UBR2: variants seen among roughly 807,000 people sequenced by gnomAD.
UBR2 encodes the protein E3 ubiquitin-protein ligase UBR2.
In UBR2, 92 loss-of-function variants were observed where a neutral mutation model predicts 247.9. The observed-to-expected ratio is 0.37, with a 90% CI of 0.31 to 0.44. The LOEUF (loss-of-function observed/expected upper bound fraction) is 0.44. Ranked by LOEUF, UBR2 falls within the 20% of genes least tolerant of loss-of-function variation. The probability of loss-of-function intolerance (pLI) is 1.00; values close to 1 mark genes in which losing one functional copy is unlikely to be tolerated. For missense variants in UBR2, 1,613 were observed against 2,112.6 expected (o/e 0.76, Z 4.64); for synonymous variants, 672 against 693.5 (o/e 0.97, Z 0.49).
At chr6:42,614,344 G>T (rs9800541) in intron 8 of UBR2, among the ~76,000 whole-genome samples, 1 of 24,080 alleles carries the variant, frequency 4.2e-5, no homozygotes, top group African/African-American at 1.3e-4. Context: ...GTGTATGTGT[G>T]TATGTATGTG....
intron 40 of UBR2, 101 bp downstream of exon 40, chr6:42,676,974 G>A (rs945492388): frequency 1.0e-6 from 1 of 961,072 alleles, no homozygotes; most frequent in Non-Finnish European, 1.6e-6. Context: ...TTTGTTGTCT[G>A]TTGACATGTT....
At chr6:42,622,336 A>G (rs1795041445) in intron 11 of UBR2, among the ~76,000 whole-genome samples, 1 of 146,784 alleles carries the variant, frequency 6.8e-6, no homozygotes, top group African/African-American at 2.5e-5. Context: ...TTCTTTTGTT[A>G]GATTTATTTC....
intron 8 of UBR2, among the ~76,000 whole-genome samples, chr6:42,613,612 C>T (rs1292574350): frequency 6.6e-6 from 1 of 151,760 alleles, no homozygotes; most frequent in African/African-American, 2.4e-5. Flanking sequence ...TTTTCTTAGT[C>T]CTATGTTCTT....
At chr6:42,564,775 A>G (rs1308421879) in intron 1 of UBR2, among the ~76,000 whole-genome samples, 1 of 152,026 alleles carries the variant, frequency 6.6e-6, no homozygotes, top group African/African-American at 2.4e-5. Flanking sequence ...TAATCGCCCT[A>G]GTTTATCTAG....
chr6:42,688,037 A>G, intron 44 of UBR2, 179 bp from the exon 45 acceptor site: 2 of 642,090 alleles, frequency 3.1e-6, no homozygotes, highest in Non-Finnish European at 5.4e-6. Flanking sequence ...TGGTCTTTGT[A>G]TATATGTGCA....
At chr6:42,609,756 G>A (rs957878458) in intron 7 of UBR2, among the ~76,000 whole-genome samples, 63 of 151,814 alleles carry the variant, frequency 4.1e-4, no homozygotes, top group African/African-American at 1.4e-3. Context: ...TTAGCCAGGC[G>A]TGGTGGCACA....
At chr6:42,649,434 A>G (rs1796981711) in intron 22 of UBR2, among the ~76,000 whole-genome samples, 1 of 152,212 alleles carries the variant, frequency 6.6e-6, no homozygotes, top group Non-Finnish European at 1.5e-5. Flanking sequence ...TAACAAATGT[A>G]TCTTTGACTG....
rs1480996180 is a variant in UBR2 at position 42,642,434 on chromosome 6, G to A, written c.2050G>A (p.Val684Met). 1.9e-6 allele frequency: 3 copies of A among 1,607,794 alleles called. No homozygotes were observed. Among genetic ancestry groups the A allele is most frequent in the Non-Finnish European group, 1.7e-6 (2 of 1,175,292 alleles). The change falls in exon 18 of 47, where the codon GTG becomes ATG. Residue 684 changes from valine to methionine, a missense_variant. Val to Met is a conservative substitution (Grantham distance 21). Coordinates refer to ENST00000372901, the MANE Select transcript of UBR2 (RefSeq NM_001363705.2). ...TTTTTAGATTTATTACTACCATAAT[G>A]TGAAATGCAGACGTGAGATGTTTGA... is the stretch of plus-strand genomic sequence containing the variant. ...LVNQIYYYHN[V>M]KCRREMFDKD...
intron 1 of UBR2, among the ~76,000 whole-genome samples, chr6:42,568,139 T>C (rs1790891676): frequency 6.6e-6 from 1 of 152,224 alleles, no homozygotes; most frequent in African/African-American, 2.4e-5. Flanking sequence ...GTACATTTTT[T>C]AAACCGTTTT....
In UBR2 at chr6:42,613,563, A is replaced by G. The variant is rs562595081; in HGVS notation, c.985+1272A>G. Among the ~76,000 whole-genome samples the G allele has an allele frequency of 3.4e-4, 52 of 152,196 alleles. 1 individual carries two copies. The South Asian group carries it at 0.011, about 31-fold the overall frequency. On this transcript the variant is annotated intron_variant, in intron 8 of 46. Transcript: ENST00000372901. ...TATAGGGAGACCCCATCTCTATCTA[A>G]AATTTTTTTTAAAAGAAAATAAATA...
chr6:42,652,347 CATTTGACCTTGAGAATGT>C, intron 24 of UBR2, 126 bp from the exon 25 acceptor site: 1 of 1,033,054 alleles, frequency 9.7e-7, no homozygotes, highest in Non-Finnish European at 1.4e-6. Context: ...TCTTTTTATG[CATTTGACCTTGAGAATGT>C]AAAATAATAG....
intron 7 of UBR2, among the ~76,000 whole-genome samples, chr6:42,610,583 C>G (rs899083950): frequency 6.6e-6 from 1 of 152,030 alleles, no homozygotes; most frequent in African/African-American, 2.4e-5. Context: ...AAGCCGGTAA[C>G]AAAAAGATAA....
At chr6:42,681,545 C>A (rs1232428882) in intron 42 of UBR2, among the ~76,000 whole-genome samples, 1 of 151,822 alleles carries the variant, frequency 6.6e-6, no homozygotes, top group Non-Finnish European at 1.5e-5. Context: ...CACTGACATA[C>A]CACTTCACAC....
intron 21 of UBR2, among the ~76,000 whole-genome samples, chr6:42,646,812 T>TAG (rs564000137): frequency 0.017 from 2,497 of 146,510 alleles, 26 homozygotes; most frequent in South Asian, 0.04. Flanking sequence ...TATGTTTATA[T>TAG]ATATATATAG....
At position 42,676,323 on chromosome 6, in the gene UBR2, C is replaced by T. The variant is rs945567357; in HGVS notation, c.4387+132C>T. On this transcript the variant is annotated intron_variant, in intron 39 of 46. Coordinates refer to ENST00000372901, the MANE Select transcript of UBR2 (RefSeq NM_001363705.2). ...AAGGCTGTTTTTTTCTGTGTATCTT[C>T]ATATGAAAAGTTTTGAAACATTTCT... 5.8e-6 allele frequency: 6 copies of T among 1,034,936 alleles called. No individual in the cohort carries two copies. In the Admixed American group the frequency reaches 1.2e-4, roughly 20 times the overall value. The allele number at this position is 1,034,936 out of a possible 1,614,324, so 64.1% of individuals were successfully genotyped here.
At chr6:42,565,869 T>G (rs566643656) in intron 1 of UBR2, among the ~76,000 whole-genome samples, 9 of 152,162 alleles carry the variant, frequency 5.9e-5, no homozygotes, top group Non-Finnish European at 1.3e-4. Context: ...CTTGGTGTGT[T>G]TTTTTAAACC....
chr6:42,687,157 G>T (rs1414241513), intron 44 of UBR2, among the ~76,000 whole-genome samples: 1 of 152,180 alleles, frequency 6.6e-6, no homozygotes, highest in Non-Finnish European at 1.5e-5. Flanking sequence ...AGGTTGTAGC[G>T]AGCCGAGATC....
chr6:42,669,968 C>T (rs1562384581), intron 34 of UBR2, 124 bp from the exon 35 acceptor site: 1 of 1,204,086 alleles, frequency 8.3e-7, no homozygotes, highest in Non-Finnish European at 1.2e-6. Context: ...TCACTGCATA[C>T]AATTATCTCT....
intron 23 of UBR2, 90 bp from the exon 24 acceptor site, chr6:42,651,933 A>AACCCC: frequency 7.7e-7 from 1 of 1,296,276 alleles, no homozygotes; most frequent in Non-Finnish European, 1.1e-6. Flanking sequence ...AACATAGTGA[A>AACCCC]ACCCCACCTC....
Sources: allele counts gnomAD v4.1 joint callset (sites outside exome capture counted in the v4.1 genomes callset), GRCh38; gene constraint gnomAD v4.1.1; transcripts MANE v1.5; gene names NCBI Gene and HGNC (gene_info 2026-07-23, HGNC 2026-07-21).